The following VWC2 variants were observed in gnomAD, a reference collection of about 807,000 sequenced individuals.
VWC2 encodes the protein brorin.
Under a neutral mutation model 29.8 loss-of-function variants are expected in VWC2, and 14 were observed. The ratio of observed to expected loss-of-function variants is 0.47; its 90% CI spans 0.31 to 0.74. The LOEUF (loss-of-function observed/expected upper bound fraction) is 0.74. VWC2 is among the 30% of genes least tolerant of loss of function. VWC2 has a pLI of 0.05. For missense variants in VWC2, 457 were observed against 459.8 expected (o/e 0.99, Z 0.05); for synonymous variants, 213 against 199.0 (o/e 1.07, Z -0.59).
intron 3 of VWC2, among the ~76,000 whole-genome samples, chr7:49,827,630 A>G (rs946343579): frequency 8.5e-5 from 13 of 152,118 alleles, no homozygotes; most frequent in Non-Finnish European, 1.6e-4. Context: ...ATTTTCTACC[A>G]TTCTTACAGT....
chr7:49,870,806 T>C (rs1791117987), intron 3 of VWC2, among the ~76,000 whole-genome samples: 1 of 152,174 alleles, frequency 6.6e-6, no homozygotes, highest in African/African-American at 2.4e-5. Context: ...AAAAGGAATA[T>C]AGACTGTGTA....
intron 3 of VWC2, among the ~76,000 whole-genome samples, chr7:49,808,063 T>C (rs1297163657): frequency 6.6e-6 from 1 of 152,080 alleles, no homozygotes; most frequent in African/African-American, 2.4e-5. Context: ...TAACATTGCG[T>C]TTCCATGACA....
intron 3 of VWC2, among the ~76,000 whole-genome samples, chr7:49,841,584 A>C (rs35539265): frequency 0.05 from 7,541 of 152,300 alleles, 295 homozygotes; most frequent in Middle Eastern, 0.14. Context: ...ATTTCCTAAA[A>C]TGCTTTGGAC....
intron 3 of VWC2, among the ~76,000 whole-genome samples, chr7:49,829,425 C>T (rs980386246): frequency 6.6e-6 from 1 of 152,006 alleles, no homozygotes; most frequent in Non-Finnish European, 1.5e-5. Context: ...GCCTCTCTCT[C>T]CTCTGTGTCC....
chr7:49,859,792 A>ACG (rs1350356946), intron 3 of VWC2, among the ~76,000 whole-genome samples: 2 of 44,338 alleles, frequency 4.5e-5, no homozygotes, highest in Admixed American at 2.4e-4. Flanking sequence ...GCGTGCGTGC[A>ACG]CACACACACA....
intron 3 of VWC2, among the ~76,000 whole-genome samples, chr7:49,888,993 C>A (rs947070191): frequency 3.3e-5 from 5 of 152,156 alleles, no homozygotes; most frequent in Non-Finnish European, 7.3e-5. Flanking sequence ...GGGGATGACC[C>A]ATTGGGCTGA....
chr7:49,871,738 C>T (rs949249274), intron 3 of VWC2, among the ~76,000 whole-genome samples: 1 of 151,466 alleles, frequency 6.6e-6, no homozygotes, highest in Non-Finnish European at 1.5e-5. Flanking sequence ...AAAATCAAAA[C>T]AAATAAATGG....
At chr7:49,837,059 A>G (rs1789681736) in intron 3 of VWC2, among the ~76,000 whole-genome samples, 1 of 152,230 alleles carries the variant, frequency 6.6e-6, no homozygotes, top group Non-Finnish European at 1.5e-5. Context: ...TTAAAAATTG[A>G]CTTTACAGAT....
At chr7:49,784,717 C>T (rs545857659) in intron 2 of VWC2, among the ~76,000 whole-genome samples, 2 of 152,254 alleles carry the variant, frequency 1.3e-5, no homozygotes, top group Middle Eastern at 6.8e-3. Context: ...GATGTGGAGC[C>T]CAATTCATGC....
chr7:49,860,427 G>C (rs1790602708), intron 3 of VWC2, among the ~76,000 whole-genome samples: 1 of 152,184 alleles, frequency 6.6e-6, no homozygotes, highest in Non-Finnish European at 1.5e-5. Context: ...GCATGGATTA[G>C]TGCTTCATTC....
chr7:49,824,050 T>C (rs1041488053), intron 3 of VWC2, among the ~76,000 whole-genome samples: 6 of 152,182 alleles, frequency 3.9e-5, no homozygotes, highest in African/African-American at 1.4e-4. Context: ...CCTCAGTCTG[T>C]GGCTTGCCTT....
intron 3 of VWC2, among the ~76,000 whole-genome samples, chr7:49,830,890 T>C (rs1789511098): frequency 2.0e-5 from 3 of 152,038 alleles, no homozygotes; most frequent in African/African-American, 7.3e-5. Context: ...GGTGTATATG[T>C]GCCACATTTT....
chr7:49,789,883 C>T (rs1788425341), intron 2 of VWC2, among the ~76,000 whole-genome samples: 1 of 152,254 alleles, frequency 6.6e-6, no homozygotes, highest in Admixed American at 6.5e-5. Flanking sequence ...AAGTGAGAAG[C>T]CGCTCCCTGC....
intron 1 of VWC2, among the ~76,000 whole-genome samples, chr7:49,774,360 C>T (rs1221047502): frequency 6.6e-6 from 1 of 152,160 alleles, no homozygotes; most frequent in African/African-American, 2.4e-5. Context: ...ACAGACGCAC[C>T]GGAGTGCGCA....
At chr7:49,834,292 T>A (rs1789607098) in intron 3 of VWC2, among the ~76,000 whole-genome samples, 1 of 152,202 alleles carries the variant, frequency 6.6e-6, no homozygotes, top group South Asian at 2.1e-4. Flanking sequence ...CTATTCATTA[T>A]CCCCAGTGGC....
intron 2 of VWC2, among the ~76,000 whole-genome samples, chr7:49,789,354 TG>T (rs2128703426): frequency 6.7e-6 from 1 of 148,984 alleles, no homozygotes; most frequent in South Asian, 2.1e-4. Context: ...TATATGTGGC[TG>T]TGTGTGTGTG....
chr7:49,832,104 T>A (rs182502703), intron 3 of VWC2, among the ~76,000 whole-genome samples: 20 of 152,252 alleles, frequency 1.3e-4, no homozygotes, highest in African/African-American at 4.8e-4. Context: ...AGCTAATTAT[T>A]TATGAGGCAG....
intron 3 of VWC2, among the ~76,000 whole-genome samples, chr7:49,806,376 A>C (rs1788878776): frequency 6.6e-6 from 1 of 152,204 alleles, no homozygotes; most frequent in African/African-American, 2.4e-5. Flanking sequence ...TGTGCTTCTC[A>C]AAGGTGGAAT....
intron 3 of VWC2, among the ~76,000 whole-genome samples, chr7:49,884,414 C>A (rs540381456): frequency 1.1e-4 from 17 of 152,252 alleles, no homozygotes; most frequent in African/African-American, 3.9e-4. Flanking sequence ...GTCTCCTTGA[C>A]TAAAATTGGG....
Sources: allele counts gnomAD v4.1 joint callset (sites outside exome capture counted in the v4.1 genomes callset), GRCh38; gene constraint gnomAD v4.1.1; transcripts MANE v1.5; gene names NCBI Gene and HGNC (gene_info 2026-07-23, HGNC 2026-07-21).